ROBO2: variants seen among roughly 807,000 people sequenced by gnomAD.
ROBO2 encodes the protein roundabout homolog 2.
A neutral mutation model predicts 160.8 loss-of-function variants in ROBO2; 53 were observed. That is an observed-to-expected ratio of 0.33 (90% CI 0.26 to 0.41). The LOEUF (loss-of-function observed/expected upper bound fraction) is 0.41, where lower values mean the gene tolerates loss of function less well. Among genes scored for constraint, ROBO2 ranks in the 10% least tolerant of loss-of-function variants. The pLI is 1.00. For missense variants in ROBO2, 1,577 were observed against 1,722.4 expected, an observed-to-expected ratio of 0.92 and a Z score of 1.49; for synonymous variants, 664 against 611.7, an observed-to-expected ratio of 1.09 and a Z score of -1.26.
intron 2 of ROBO2, among the ~76,000 whole-genome samples, chr3:75,988,663 T>C (rs1186931933): frequency 6.6e-6 from 1 of 152,066 alleles, no homozygotes; most frequent in African/African-American, 2.4e-5. Flanking sequence ...CTATGTCCCA[T>C]AATTTTTGTT....
intron 2 of ROBO2, among the ~76,000 whole-genome samples, chr3:76,248,608 A>T (rs1247957857): frequency 6.6e-6 from 1 of 151,624 alleles, no homozygotes; most frequent in Admixed American, 6.6e-5. Context: ...AACCTGCACA[A>T]TGTGCACATG....
intron 2 of ROBO2, among the ~76,000 whole-genome samples, chr3:76,585,334 A>G (rs1257333709): frequency 2.6e-5 from 4 of 152,358 alleles, no homozygotes; most frequent in African/African-American, 4.8e-5. Flanking sequence ...CCACATTAAC[A>G]TGAAAAATAT....
intron 2 of ROBO2, among the ~76,000 whole-genome samples, chr3:76,273,450 C>T (rs952959345): frequency 5.3e-5 from 8 of 151,728 alleles, no homozygotes; most frequent in East Asian, 1.9e-4. Flanking sequence ...AAGAACTGCC[C>T]GAGACTGGGT....
chr3:77,183,558 G>A (rs922518168), intron 2 of ROBO2, among the ~76,000 whole-genome samples: 1 of 151,974 alleles, frequency 6.6e-6, no homozygotes, highest in African/African-American at 2.4e-5. Flanking sequence ...AAGGGCAGAG[G>A]CCTTAGAAAG....
At chr3:76,961,477 G>A (rs542432086) in intron 2 of ROBO2, among the ~76,000 whole-genome samples, 25 of 152,040 alleles carry the variant, frequency 1.6e-4, no homozygotes, top group Non-Finnish European at 3.1e-4. Context: ...AACAAAGCAC[G>A]CTCATGTGTT....
chr3:77,116,729 C>T (rs186992893), intron 2 of ROBO2, among the ~76,000 whole-genome samples: 34 of 152,280 alleles, frequency 2.2e-4, no homozygotes, highest in South Asian at 2.1e-3. Flanking sequence ...CCTTTGGCTA[C>T]GGTTCTTGTC....
chr3:77,287,305 A>T (rs78384103), intron 2 of ROBO2, among the ~76,000 whole-genome samples: 95 of 76,128 alleles, frequency 1.2e-3, no homozygotes, highest in Middle Eastern at 0.012. Context: ...ATTGATAGTT[A>T]TTTTTTTTTA....
intron 2 of ROBO2, among the ~76,000 whole-genome samples, chr3:77,192,648 T>C (rs899145471): frequency 7.6e-6 from 1 of 130,940 alleles, no homozygotes; most frequent in South Asian, 2.4e-4. Flanking sequence ...CAAACACAAT[T>C]CCTTTTTTTT....
intron 2 of ROBO2, among the ~76,000 whole-genome samples, chr3:76,591,229 A>G (rs2086397448): frequency 6.6e-6 from 1 of 152,144 alleles, no homozygotes; most frequent in Admixed American, 6.5e-5. Flanking sequence ...TTAGAAAATC[A>G]TAAGAAAGAG....
chr3:77,379,750 G>A (rs1174560820), intron 2 of ROBO2, among the ~76,000 whole-genome samples: 3 of 151,908 alleles, frequency 2.0e-5, no homozygotes, highest in East Asian at 1.9e-4. Context: ...CTTCACTCCC[G>A]CAGAGCTTGC....
chr3:76,850,611 T>G (rs527254289), intron 2 of ROBO2, among the ~76,000 whole-genome samples: 1 of 152,270 alleles, frequency 6.6e-6, no homozygotes, highest in South Asian at 2.1e-4. Flanking sequence ...ATGATGCTCT[T>G]TTTTGCTCCT....
At chr3:77,578,822 G>T (rs2093836159) in intron 15 of ROBO2, among the ~76,000 whole-genome samples, 1 of 151,870 alleles carries the variant, frequency 6.6e-6, no homozygotes, top group Non-Finnish European at 1.5e-5. Context: ...ATTTATTTTT[G>T]TACCATTTGG....
At chr3:76,964,395 C>T (rs1042505556) in intron 2 of ROBO2, among the ~76,000 whole-genome samples, 2 of 151,980 alleles carry the variant, frequency 1.3e-5, no homozygotes, top group Non-Finnish European at 2.9e-5. Context: ...CAAACTAGAG[C>T]GCAGTGGCGT....
At chr3:76,938,362 C>CG (rs202230790) in intron 2 of ROBO2, among the ~76,000 whole-genome samples, 6 of 149,652 alleles carry the variant, frequency 4.0e-5, no homozygotes, top group African/African-American at 1.2e-4. Context: ...CCCACCTACC[C>CG]CCCCCAAAAA....
intron 2 of ROBO2, among the ~76,000 whole-genome samples, chr3:76,034,944 C>A (rs759655768): frequency 2.2e-4 from 33 of 152,048 alleles, no homozygotes; most frequent in Admixed American, 3.9e-4. Context: ...TCTCTGATTT[C>A]TTTTACTCTC....
At chr3:77,087,708 A>G (rs1438383894) in intron 1 of ROBO2, among the ~76,000 whole-genome samples, 1 of 151,274 alleles carries the variant, frequency 6.6e-6, no homozygotes, top group Non-Finnish European at 1.5e-5. Context: ...AGATATACAC[A>G]CATATATACA....
intron 2 of ROBO2, among the ~76,000 whole-genome samples, chr3:76,345,421 A>T (rs75672647): frequency 1.4e-5 from 2 of 146,658 alleles, no homozygotes; most frequent in African/African-American, 2.6e-5. Context: ...AGTAGGCAGG[A>T]TATCTTTTTT....
chr3:76,463,221 G>A (rs1229363768), intron 2 of ROBO2, among the ~76,000 whole-genome samples: 2 of 151,904 alleles, frequency 1.3e-5, no homozygotes, highest in Non-Finnish European at 2.9e-5. Flanking sequence ...GTGCACCCCG[G>A]GCCACTCACA....
At chr3:76,573,834 T>C (rs2085112720) in intron 2 of ROBO2, among the ~76,000 whole-genome samples, 1 of 152,102 alleles carries the variant, frequency 6.6e-6, no homozygotes, top group South Asian at 2.1e-4. Context: ...AAACTCTTGC[T>C]CTCTTCACTG....
Sources: gnomAD v4.1 joint callset for allele counts (sites outside exome capture counted in the v4.1 genomes callset) on GRCh38, gnomAD v4.1.1 for gene constraint, MANE v1.5 for transcripts, NCBI Gene and HGNC (gene_info 2026-07-23, HGNC 2026-07-21) for gene names.